Variants in RGS8 observed in about 807,000 individuals in gnomAD.
The protein encoded by RGS8 is regulator of G-protein signaling 8.
Under a neutral mutation model 21.7 loss-of-function variants are expected in RGS8, and 8 were observed. The ratio of observed to expected loss-of-function variants is 0.37; its 90% CI spans 0.22 to 0.66. The LOEUF is 0.66. Among genes scored for constraint, RGS8 ranks in the 30% least tolerant of loss-of-function variants. The pLI is 0.59. For synonymous variants in RGS8, 80 were observed against 83.6 expected (o/e 0.96, Z 0.24); for missense variants, 157 against 217.9 (o/e 0.72, Z 1.76).
the RGS8 span, among the ~76,000 whole-genome samples, chr1:182,713,720 A>C: frequency 1.3e-5 from 2 of 152,154 alleles, no homozygotes; most frequent in Non-Finnish European, 2.9e-5. Flanking sequence ...TTAAATGCTC[A>C]AGCTGTTGCC....
chr1:182,642,305 T>C (rs2102397549), downstream of RGS8: 1 of 152,160 alleles, frequency 6.6e-6, no homozygotes, highest in Admixed American at 6.6e-5. Context: ...CCACCTCTCT[T>C]GCTTCTAACC....
the RGS8 span, among the ~76,000 whole-genome samples, chr1:182,733,614 G>C: frequency 6.6e-6 from 1 of 152,160 alleles, no homozygotes; most frequent in East Asian, 1.9e-4. Context: ...ACACCAGGGG[G>C]TGGGGACAGC....
chr1:182,700,991 A>G, the RGS8 span, among the ~76,000 whole-genome samples: 1 of 152,240 alleles, frequency 6.6e-6, no homozygotes, highest in Admixed American at 6.5e-5. Context: ...TACATATATT[A>G]TGAATCATTG....
chr1:182,714,382 A>G, the RGS8 span: 1 of 152,248 alleles, frequency 6.6e-6, no homozygotes, highest in African/African-American at 2.4e-5. Context: ...AGCCTGAAGT[A>G]GCATCTGGTT....
chr1:182,721,015 A>ATATGATTTTAAT, the RGS8 span, among the ~76,000 whole-genome samples: 1 of 100,640 alleles, frequency 9.9e-6, no homozygotes, highest in African/African-American at 4.1e-5. Context: ...ATACATATAT[A>ATATGATTTTAAT]CACATATATA....
chr1:182,737,285 T>TTA, the RGS8 span, among the ~76,000 whole-genome samples: 1 of 149,238 alleles, frequency 6.7e-6, no homozygotes, highest in Non-Finnish European at 1.5e-5. Flanking sequence ...ATCTCATAGG[T>TTA]AAAAAAAAAA....
At chr1:182,730,667 G>C in the RGS8 span, among the ~76,000 whole-genome samples, 1 of 149,296 alleles carries the variant, frequency 6.7e-6, no homozygotes, top group Non-Finnish European at 1.5e-5. Flanking sequence ...CCAAGATCCC[G>C]CCACTGCACC....
downstream of RGS8, chr1:182,643,323 G>GCCCCCCCCCCCCCCCC (rs567593931): frequency 3.2e-5 from 1 of 31,470 alleles, no homozygotes; most frequent in African/African-American, 1.3e-4. Flanking sequence ...CCCTCCCCCA[G>GCCCCCCCCCCCCCCCC]CCCCCCCGCC....
chr1:182,741,887 C>T, the RGS8 span, among the ~76,000 whole-genome samples: 1 of 143,820 alleles, frequency 7.0e-6, no homozygotes, highest in African/African-American at 2.5e-5. Context: ...GGGCTGACCC[C>T]CCCACCTCCC....
At chr1:182,653,025 A>G (rs1398623089) in intron 5 of RGS8, among the ~76,000 whole-genome samples, 3 of 152,254 alleles carry the variant, frequency 2.0e-5, no homozygotes, top group Admixed American at 6.5e-5. Context: ...AGACCTGCTT[A>G]TAGGATAGCA....
In RGS8 at chr1:182,661,808, T is replaced by TCACACACA. The variant is rs71127312; in HGVS notation, c.193+4153_193+4160dup. On this transcript the variant is annotated intron_variant, in intron 5 of 6. Transcript: ENST00000483095. The stretch of plus-strand genomic sequence containing the variant: ...GAAAGTCTCCTGAGTGTACACACAT[T>TCACACACA]CACACACACACACACACACACACAC... Among the ~76,000 whole-genome samples, 800 of 132,446 alleles carry TCACACACA rather than the reference T, an allele frequency of 6.0e-3. 2 individuals are homozygous for TCACACACA. The highest frequency in any genetic ancestry group is 0.019 in the African/African-American group (715 of 37,680). The allele number at this position is 132,446 out of a possible 152,430, so 86.9% of individuals were successfully genotyped here. A position where few individuals can be genotyped will look rare whatever the true frequency, so the allele number is the denominator to read the frequency against.
At chr1:182,721,769 T>C in the RGS8 span, among the ~76,000 whole-genome samples, 1 of 152,180 alleles carries the variant, frequency 6.6e-6, no homozygotes, top group African/African-American at 2.4e-5. Flanking sequence ...GTTCATATCA[T>C]GACATGAAAA....
chr1:182,730,727 A>G, the RGS8 span, among the ~76,000 whole-genome samples: 1 of 151,410 alleles, frequency 6.6e-6, no homozygotes, highest in Non-Finnish European at 1.5e-5. Flanking sequence ...AAAAAAAAAA[A>G]TTTAGAGTCC....
the RGS8 span, among the ~76,000 whole-genome samples, chr1:182,705,891 A>G: frequency 5.3e-5 from 8 of 152,238 alleles, no homozygotes; most frequent in East Asian, 1.5e-3. Flanking sequence ...GGTATGGGGC[A>G]GAGGACATTG....
At chr1:182,742,482 A>T in the RGS8 span, among the ~76,000 whole-genome samples, 1 of 152,290 alleles carries the variant, frequency 6.6e-6, no homozygotes, top group South Asian at 2.1e-4. Flanking sequence ...TCCGTCTGCA[A>T]TCTCGGCACC....
At chr1:182,702,336 G>A in the RGS8 span, among the ~76,000 whole-genome samples, 2 of 152,066 alleles carry the variant, frequency 1.3e-5, no homozygotes, top group Non-Finnish European at 2.9e-5. Flanking sequence ...CATAAACATT[G>A]GGTACTCACG....
chr1:182,697,197 G>C, the RGS8 span, among the ~76,000 whole-genome samples: 1 of 152,210 alleles, frequency 6.6e-6, no homozygotes, highest in African/African-American at 2.4e-5. Context: ...ATAAAGGCAT[G>C]GATATGGGCA....
At chr1:182,660,102 G>A (rs1358828578) in intron 5 of RGS8, among the ~76,000 whole-genome samples, 4 of 152,166 alleles carry the variant, frequency 2.6e-5, no homozygotes, top group Non-Finnish European at 4.4e-5. Flanking sequence ...TTATGTTAGA[G>A]CAAAAATAAT....
chr1:182,747,736 G>A, the RGS8 span, among the ~76,000 whole-genome samples: 14 of 152,114 alleles, frequency 9.2e-5, no homozygotes, highest in South Asian at 2.1e-4. Flanking sequence ...TTGGCCAGGC[G>A]CATTGGCTCA....
Sources: gnomAD v4.1 joint callset for allele counts (sites outside exome capture counted in the v4.1 genomes callset) on GRCh38, gnomAD v4.1.1 for gene constraint, MANE v1.5 for transcripts, NCBI Gene and HGNC (gene_info 2026-07-23, HGNC 2026-07-21) for gene names.